The following INPP4B variants were observed in gnomAD, a reference collection of about 807,000 sequenced individuals.
INPP4B encodes the protein inositol polyphosphate-4-phosphatase type II B.
INPP4B carries 55 observed loss-of-function variants against 122.5 expected under a neutral mutation model. The observed-to-expected ratio is 0.45, with a 90% CI of 0.36 to 0.56. The LOEUF (loss-of-function observed/expected upper bound fraction) is 0.56, where lower values mean the gene tolerates loss of function less well. Ranked by LOEUF, INPP4B falls within the 20% of genes least tolerant of loss-of-function variation. The pLI is 0.00. For synonymous variants in INPP4B, 403 were observed against 388.7 expected, an observed-to-expected ratio of 1.04 and a Z score of -0.43; for missense variants, 1,000 against 1,097.7, an observed-to-expected ratio of 0.91 and a Z score of 1.26.
At chr4:142,342,092 T>C (rs1394828703) in intron 7 of INPP4B, among the ~76,000 whole-genome samples, 1 of 152,164 alleles carries the variant, frequency 6.6e-6, no homozygotes, top group African/African-American at 2.4e-5. Context: ...ATAATTTCTC[T>C]AATCCTCAGA....
At chr4:142,786,985 T>C (rs2151049535) in intron 1 of INPP4B, among the ~76,000 whole-genome samples, 1 of 152,208 alleles carries the variant, frequency 6.6e-6, no homozygotes, top group Non-Finnish European at 1.5e-5. Context: ...ACTTTAAAAA[T>C]CTGTGTAAAT....
intron 9 of INPP4B, among the ~76,000 whole-genome samples, chr4:142,274,631 G>C (rs1221783001): frequency 6.6e-6 from 1 of 151,786 alleles, no homozygotes; most frequent in African/African-American, 2.4e-5. Context: ...GATGTATATA[G>C]CAATTATGAC....
At position 142,767,543 on chromosome 4, in the gene INPP4B, T is replaced by A. The variant is rs886429464; in HGVS notation, c.-253-41642A>T. 2.0e-5 allele frequency: 3 copies of A among 152,192 alleles called. No individual in the cohort carries two copies. The South Asian group carries it at 6.2e-4, about 32-fold the overall frequency. 9.4% of individuals were successfully genotyped at this position (152,192 alleles called of 1,614,324 possible). On this transcript the variant is annotated intron_variant, in intron 1 of 25. Coordinates refer to ENST00000262992, the MANE Select transcript of INPP4B (RefSeq NM_001101669.3). ...CTTAGGCAAGTAACTTAGCTTAGCC[T>A]CTCTGTGCCTCTGTTTCAAATACAC...
At chr4:142,845,853 A>T (rs1784122316) in intron 1 of INPP4B, among the ~76,000 whole-genome samples, 1 of 152,124 alleles carries the variant, frequency 6.6e-6, no homozygotes. Context: ...TTGGAAGGTC[A>T]GCGAGGCCAG....
At chr4:142,659,405 C>CA (rs1360168615) in intron 2 of INPP4B, among the ~76,000 whole-genome samples, 5 of 142,304 alleles carry the variant, frequency 3.5e-5, no homozygotes, top group African/African-American at 1.3e-4. Context: ...GACTCTGTCT[C>CA]AAAAGAAAAA....
chr4:142,604,959 T>C (rs749583215), intron 2 of INPP4B, among the ~76,000 whole-genome samples: 33 of 151,934 alleles, frequency 2.2e-4, no homozygotes, highest in Non-Finnish European at 3.8e-4. Flanking sequence ...CACTACCTAA[T>C]TTCAAAACCT....
At chr4:142,192,649 G>A (rs2149352870) in intron 15 of INPP4B, among the ~76,000 whole-genome samples, 1 of 152,252 alleles carries the variant, frequency 6.6e-6, no homozygotes, top group South Asian at 2.1e-4. Flanking sequence ...GTATTGTTGT[G>A]TCTTTTTCAA....
chr4:142,213,638 T>C (rs1845809194), intron 12 of INPP4B, among the ~76,000 whole-genome samples: 1 of 152,228 alleles, frequency 6.6e-6, no homozygotes, highest in Non-Finnish European at 1.5e-5. Flanking sequence ...CACATGTCTC[T>C]TGCTCGTATT....
At chr4:142,069,463 G>A (rs1006104920) in intron 25 of INPP4B, among the ~76,000 whole-genome samples, 1 of 151,970 alleles carries the variant, frequency 6.6e-6, no homozygotes, top group African/African-American at 2.4e-5. Context: ...GCTAGCAGAA[G>A]GCAAGAAATA....
chr4:142,253,512 C>T (rs1211685640), intron 11 of INPP4B, among the ~76,000 whole-genome samples: 3 of 152,104 alleles, frequency 2.0e-5, no homozygotes, highest in Non-Finnish European at 1.5e-5. Flanking sequence ...ATGTGCGAGC[C>T]GAAGCAGGGC....
rs549668708 is a variant in INPP4B, at chr4:142,498,684, G to A, written c.-190-35958C>T. 5.9e-5 allele frequency among the ~76,000 whole-genome samples: 9 copies of A among 152,140 alleles called. No homozygotes were observed. The South Asian group carries it at 6.2e-4, about 11-fold the overall frequency. ...CATCTGCCTGTAGTAGCACCTACTC[G>A]AGAGGTTGAGATTGGAAGATTGCTT... On this transcript the variant is annotated intron_variant, in intron 2 of 25. Coordinates refer to ENST00000262992, the MANE Select transcript of INPP4B (RefSeq NM_001101669.3).
At chr4:142,298,665 C>T (rs1312004499) in intron 9 of INPP4B, among the ~76,000 whole-genome samples, 2 of 101,876 alleles carry the variant, frequency 2.0e-5, no homozygotes, top group African/African-American at 3.9e-5. Context: ...GCCTTGGTGA[C>T]AGAGCAAGAC....
At chr4:142,032,285 G>A (rs977146187) in intron 25 of INPP4B, among the ~76,000 whole-genome samples, 1 of 152,144 alleles carries the variant, frequency 6.6e-6, no homozygotes, top group Non-Finnish European at 1.5e-5. Context: ...GGGCAGCAGA[G>A]AGGTAGGGAG....
intron 4 of INPP4B, among the ~76,000 whole-genome samples, 173 bp downstream of exon 4, chr4:142,430,996 C>T (rs1287428225): frequency 6.6e-6 from 1 of 152,112 alleles, no homozygotes; most frequent in Non-Finnish European, 1.5e-5. Flanking sequence ...GCATATCATA[C>T]ACTCATGCCA....
intron 7 of INPP4B, among the ~76,000 whole-genome samples, chr4:142,371,008 GCAC>G (rs1789690910): frequency 6.6e-6 from 1 of 151,922 alleles, no homozygotes; most frequent in African/African-American, 2.4e-5. Context: ...AAAGCTGAAG[GCAC>G]CACACTACCT....
chr4:142,456,628 T>G (rs1191884414), intron 3 of INPP4B, among the ~76,000 whole-genome samples: 1 of 152,126 alleles, frequency 6.6e-6, no homozygotes, highest in African/African-American at 2.4e-5. Flanking sequence ...AAAATTTCAT[T>G]CAGTTTTGTT....
chr4:142,384,260 C>T (rs539381247), intron 7 of INPP4B: 14 of 628,064 alleles, frequency 2.2e-5, no homozygotes, highest in African/African-American at 2.2e-4. Flanking sequence ...AACAACTTCA[C>T]TAAATTACAT....
chr4:142,815,270 G>A (rs1207870446), intron 1 of INPP4B, among the ~76,000 whole-genome samples: 1 of 152,078 alleles, frequency 6.6e-6, no homozygotes, highest in Non-Finnish European at 1.5e-5. Context: ...AATATAACGT[G>A]ATGTACTGGC....
At chr4:142,228,070 G>A (rs1028896487) in intron 12 of INPP4B, among the ~76,000 whole-genome samples, 2 of 151,786 alleles carry the variant, frequency 1.3e-5, no homozygotes, top group African/African-American at 4.8e-5. Context: ...ATGGAAACAT[G>A]CACGTCAAGG....
Sources: gnomAD v4.1 joint callset for allele counts (sites outside exome capture counted in the v4.1 genomes callset) on GRCh38, gnomAD v4.1.1 for gene constraint, MANE v1.5 for transcripts, NCBI Gene and HGNC (gene_info 2026-07-23, HGNC 2026-07-21) for gene names.